Variants in SSH2 observed in about 807,000 individuals in gnomAD.
The protein encoded by SSH2 is slingshot protein phosphatase 2, also known as protein phosphatase Slingshot homolog 2.
In SSH2, 37 loss-of-function variants were observed where a neutral mutation model predicts 135.2. The ratio of observed to expected loss-of-function variants is 0.27; its 90% CI spans 0.21 to 0.36. SSH2 has a LOEUF of 0.36. Ranked by LOEUF, SSH2 falls within the 10% of genes least tolerant of loss-of-function variation. The probability of loss-of-function intolerance (pLI) is 1.00; values close to 1 mark genes in which losing one functional copy is unlikely to be tolerated. For missense variants in SSH2, 1,408 were observed against 1,765.3 expected (o/e 0.80, Z 3.63); for synonymous variants, 628 against 646.2 (o/e 0.97, Z 0.43).
intron 6 of SSH2, 30 bp from the exon 7 acceptor site, chr17:29,677,771 C>A: frequency 1.3e-6 from 2 of 1,554,822 alleles, no homozygotes; most frequent in Non-Finnish European, 1.8e-6. Flanking sequence ...CCAATAGTTA[C>A]TCCCCATTAC....
At chr17:29,814,580 TAAAAG>T (rs1567991165) in intron 2 of SSH2, among the ~76,000 whole-genome samples, 1 of 151,796 alleles carries the variant, frequency 6.6e-6, no homozygotes, top group African/African-American at 2.4e-5. Flanking sequence ...TGCATTCTAA[TAAAAG>T]AAATCAGATA....
chr17:29,892,477 T>C (rs1489254660), intron 1 of SSH2, among the ~76,000 whole-genome samples: 2 of 152,012 alleles, frequency 1.3e-5, no homozygotes, highest in East Asian at 3.9e-4. Flanking sequence ...GAAGGCACAA[T>C]GACAGTAGGG....
intron 3 of SSH2, among the ~76,000 whole-genome samples, chr17:29,726,052 T>TTTTA (rs1896294385): frequency 6.6e-6 from 1 of 151,980 alleles, no homozygotes; most frequent in South Asian, 2.1e-4. Context: ...TGCACTGCTG[T>TTTTA]TTTAGGTAAG....
At chr17:29,761,226 A>T in intron 3 of SSH2, 1 of 1,289,656 alleles carries the variant, frequency 7.8e-7, no homozygotes, top group Non-Finnish European at 1.0e-6. Flanking sequence ...CCGAGGCTGC[A>T]GGTGCAAGCG....
chr17:29,684,732 T>C (rs773246339), intron 5 of SSH2, 48 bp from the exon 6 acceptor site: 1 of 1,565,898 alleles, frequency 6.4e-7, no homozygotes, highest in Non-Finnish European at 8.7e-7. Context: ...AGGACATTAA[T>C]TTCAGATCAT....
intron 1 of SSH2, among the ~76,000 whole-genome samples, chr17:29,859,473 G>A (rs1303546151): frequency 6.6e-6 from 1 of 151,986 alleles, no homozygotes; most frequent in Non-Finnish European, 1.5e-5. Flanking sequence ...GGTAGGCCCT[G>A]GTGTCTGTGT....
At chr17:29,702,453 G>A (rs2039023968) in intron 4 of SSH2, among the ~76,000 whole-genome samples, 2 of 150,044 alleles carry the variant, frequency 1.3e-5, no homozygotes, top group Admixed American at 6.6e-5. Context: ...TCAGGAGTTC[G>A]AGGCCAGCCT....
intron 3 of SSH2, among the ~76,000 whole-genome samples, chr17:29,755,791 G>A (rs1373202271): frequency 2.7e-5 from 4 of 150,520 alleles, no homozygotes; most frequent in Non-Finnish European, 5.9e-5. Flanking sequence ...CCTGCTGAGT[G>A]GCTGGGACTA....
At chr17:29,759,039 T>C (rs1195634293) in intron 3 of SSH2, among the ~76,000 whole-genome samples, 2 of 151,424 alleles carry the variant, frequency 1.3e-5, no homozygotes, top group Non-Finnish European at 2.9e-5. Flanking sequence ...CCACTGTGCC[T>C]GGCCTTTTTA....
chr17:29,667,306 C>G (rs1393957213), intron 9 of SSH2, 83 bp from the exon 10 acceptor site: 2 of 1,057,282 alleles, frequency 1.9e-6, no homozygotes, highest in African/African-American at 1.6e-5. Context: ...GAAGAATGAT[C>G]CTGTCTTCTT....
intron 9 of SSH2, among the ~76,000 whole-genome samples, chr17:29,669,757 C>T (rs1167628566): frequency 6.6e-6 from 1 of 152,026 alleles, no homozygotes; most frequent in Non-Finnish European, 1.5e-5. Flanking sequence ...AGTTAATAAG[C>T]CTCTATCATT....
chr17:29,857,354 G>A (rs111742761), intron 1 of SSH2, among the ~76,000 whole-genome samples: 1 of 152,144 alleles, frequency 6.6e-6, no homozygotes, highest in Non-Finnish European at 1.5e-5. Flanking sequence ...GATCTCAGGA[G>A]ACTTATTCAC....
chr17:29,846,743 A>G (rs1339053966), intron 2 of SSH2, among the ~76,000 whole-genome samples: 1 of 152,252 alleles, frequency 6.6e-6, no homozygotes, highest in Non-Finnish European at 1.5e-5. Flanking sequence ...GCCTAAGTGC[A>G]GGTAGTAATA....
At chr17:29,667,855 T>C (rs915085411) in intron 9 of SSH2, among the ~76,000 whole-genome samples, 17 of 152,236 alleles carry the variant, frequency 1.1e-4, no homozygotes, top group Admixed American at 5.2e-4. Flanking sequence ...CCTAATGCTC[T>C]ACCTGAAGGA....
At chr17:29,779,445 C>G (rs772501344) in intron 3 of SSH2, among the ~76,000 whole-genome samples, 1 of 152,086 alleles carries the variant, frequency 6.6e-6, no homozygotes, top group Non-Finnish European at 1.5e-5. Flanking sequence ...TGGCCACCCC[C>G]CAAACATTTA....
chr17:29,930,040 C>T lies in SSH2; in HGVS notation c.-40G>A, dbSNP rs1335734144. ...GTTGTTCCGGGCAGGGCATTCTTGT[C>T]CTGAGTGTGGGGGACGGGAGGGTGA... On this transcript the variant is annotated 5_prime_UTR_variant, in exon 1 of 16. Transcript: ENST00000540801. The T allele has an allele frequency of 6.6e-7, 1 of 1,511,618 alleles. No individual in the cohort carries two copies. Among genetic ancestry groups the T allele is most frequent in the Non-Finnish European group, 8.9e-7 (1 of 1,122,150 alleles). 93.6% of individuals were successfully genotyped at this position (1,511,618 alleles called of 1,614,324 possible). A position where few individuals can be genotyped will look rare whatever the true frequency, so the allele number is the denominator to read the frequency against.
chr17:29,703,924 C>T (rs1409677279), intron 3 of SSH2, among the ~76,000 whole-genome samples: 1 of 152,180 alleles, frequency 6.6e-6, no homozygotes. Context: ...CAGTTAAGAG[C>T]GCAGGCTCTG....
chr17:29,714,936 G>A (rs149377994), intron 3 of SSH2, among the ~76,000 whole-genome samples: 498 of 151,872 alleles, frequency 3.3e-3, no homozygotes, highest in African/African-American at 0.012. Flanking sequence ...GTGCAATCTC[G>A]GCTCACTGCA....
At chr17:29,709,015 T>TATATATATATAGAGAGAGAGAGAGAG (rs780981175) in intron 3 of SSH2, among the ~76,000 whole-genome samples, 2 of 81,586 alleles carry the variant, frequency 2.5e-5, no homozygotes, top group African/African-American at 4.1e-5. Context: ...TATATATATA[T>TATATATATATAGAGAGAGAGAGAGAG]AGAGAGAGAG....
Sources: gnomAD v4.1 joint callset for allele counts (sites outside exome capture counted in the v4.1 genomes callset) on GRCh38, gnomAD v4.1.1 for gene constraint, MANE v1.5 for transcripts, NCBI Gene and HGNC (gene_info 2026-07-23, HGNC 2026-07-21) for gene names.